CCNG1: variants seen among roughly 807,000 people sequenced by gnomAD.
CCNG1 encodes the protein cyclin-G1.
A neutral mutation model predicts 30.0 loss-of-function variants in CCNG1; 13 were observed. That is an observed-to-expected ratio of 0.43 (90% confidence interval 0.28 to 0.69). The LOEUF (loss-of-function observed/expected upper bound fraction) is 0.69. Ranked by LOEUF, CCNG1 falls within the 30% of genes least tolerant of loss-of-function variation. The pLI is 0.16. For synonymous variants in CCNG1, 110 were observed against 121.5 expected, an observed-to-expected ratio of 0.91 and a Z score of 0.62; for missense variants, 285 against 331.4, an observed-to-expected ratio of 0.86 and a Z score of 1.09.
In CCNG1 at chr5:163,442,586, T is replaced by C. The variant is rs773896011; in HGVS notation, c.*3+18T>C. ...CTTAACTGGTAAATTTGGTCCGTTATTATTCTCCAGATAGAGAACATTTTC... is the reference window on the plus strand; with the variant it reads ...CTTAACTGGTAAATTTGGTCCGTTACTATTCTCCAGATAGAGAACATTTTC... On this transcript the variant is annotated intron_variant, in intron 6 of 6. Transcript: ENST00000340828. 1.9e-6 allele frequency: 3 copies of C among 1,564,700 alleles called. No homozygotes were observed. Among genetic ancestry groups the C allele is most frequent in the Non-Finnish European group, 1.7e-6 (2 of 1,149,574 alleles).
chr5:163,455,858 G>C, the CCNG1 span, among the ~76,000 whole-genome samples: 2 of 152,170 alleles, frequency 1.3e-5, no homozygotes, highest in Non-Finnish European at 2.9e-5. Flanking sequence ...AGGTGGTCCA[G>C]ATCAGAATGG....
At chr5:163,457,130 C>CATCAAGTT in the CCNG1 span, 1 of 1,458,356 alleles carries the variant, frequency 6.9e-7, no homozygotes, top group Non-Finnish European at 9.2e-7. Flanking sequence ...TAGAGTTCTT[C>CATCAAGTT]ATCAAGTTGT....
the CCNG1 span, among the ~76,000 whole-genome samples, chr5:163,454,371 C>A: frequency 2.6e-5 from 4 of 152,050 alleles, no homozygotes; most frequent in Non-Finnish European, 5.9e-5. Flanking sequence ...GACGGAGTTT[C>A]GCTCTTGTTG....
chr5:163,442,489 G>A lies in CCNG1; in HGVS notation c.812G>A (p.Gly271Glu), dbSNP rs752592116. ...CAGAAGTTGAAATGGATTGTTTCTG[G>A]GCGTACTGCACGGCAATTGAAGCAT... ...NVQKLKWIVSGRTARQLKHSY... is the reference protein window; with the variant it reads ...NVQKLKWIVSERTARQLKHSY... Residue 271 changes from glycine (G) to glutamate (E), a missense_variant, in exon 6 of 7, where the codon GGG becomes GAG. Coordinates refer to ENST00000340828, the MANE Select transcript of CCNG1 (RefSeq NM_004060.4). The A allele has an allele frequency of 6.2e-7, 1 of 1,613,828 alleles. No homozygotes were observed. The highest frequency in any genetic ancestry group is 1.3e-5 in the African/African-American group (1 of 74,898).
rs1046747597 is a variant in CCNG1 at position 163,444,518 on chromosome 5, T to C, written c.*848T>C. Reference sequence around the variant, plus strand: ...CTAGATTGAACACTCCAGAATTTTTTACTACAGACTGTTTTTAAGTTAGAA... The same window carrying C: ...CTAGATTGAACACTCCAGAATTTTTCACTACAGACTGTTTTTAAGTTAGAA... On this transcript the variant is annotated 3_prime_UTR_variant, in exon 7 of 7. Transcript: ENST00000340828. The C allele has an allele frequency of 2.0e-5, 3 of 152,658 alleles. No individual in the cohort carries two copies. Among genetic ancestry groups the C allele is most frequent in the African/African-American group, 4.8e-5 (2 of 41,468 alleles). 9.5% of individuals were successfully genotyped at this position (152,658 alleles called of 1,614,324 possible). A position where few individuals can be genotyped will look rare whatever the true frequency, so the allele number is the denominator to read the frequency against.
chr5:163,440,824 A>C (rs1446626300), intron 2 of CCNG1, among the ~76,000 whole-genome samples: 1 of 152,212 alleles, frequency 6.6e-6, no homozygotes, highest in Admixed American at 6.5e-5. Context: ...ATAAAAACAC[A>C]CTTTTTCTAT....
At chr5:163,455,749 AAAAG>A in the CCNG1 span, among the ~76,000 whole-genome samples, 1 of 152,092 alleles carries the variant, frequency 6.6e-6, no homozygotes, top group African/African-American at 2.4e-5. Context: ...AAAAAAAAAA[AAAAG>A]AACTGCTCTA....
the CCNG1 span, among the ~76,000 whole-genome samples, chr5:163,455,093 G>C: frequency 1.3e-5 from 2 of 151,980 alleles, no homozygotes; most frequent in African/African-American, 4.8e-5. Flanking sequence ...TTGGCCCAAG[G>C]GCTGTAGTTT....
chr5:163,453,992 G>C, the CCNG1 span: 13 of 1,548,248 alleles, frequency 8.4e-6, no homozygotes, highest in Non-Finnish European at 1.1e-5. Context: ...TGAGAAATCT[G>C]GTCCACCTTT....
the CCNG1 span, among the ~76,000 whole-genome samples, chr5:163,455,688 C>T: frequency 2.0e-5 from 3 of 147,814 alleles, no homozygotes; most frequent in Non-Finnish European, 3.0e-5. Context: ...GGCGGGAATC[C>T]GGGAGGCGGA....
chr5:163,457,165 ACT>A, the CCNG1 span: 1 of 1,348,918 alleles, frequency 7.4e-7, no homozygotes, highest in Non-Finnish European at 9.8e-7. Context: ...AGACAGTATC[ACT>A]CTCACCCAGG....
rs745547418 is a variant in CCNG1, at chr5:163,442,039, T to C, written c.598-6T>C. ...TTGGCATTTACTTTAAATTTATCTC[T>C]TTTAGCCTTCTGTGTTGGCATTGTC... On this transcript the variant is annotated splice_polypyrimidine_tract_variant and splice_region_variant and intron_variant, in intron 4 of 6. Coordinates refer to ENST00000340828, the MANE Select transcript of CCNG1 (RefSeq NM_004060.4). The C allele has an allele frequency of 1.2e-6, 2 of 1,608,040 alleles. No individual in the cohort carries two copies. Among genetic ancestry groups the C allele is most frequent in the Non-Finnish European group, 1.7e-6 (2 of 1,175,218 alleles).
At position 163,437,751 on chromosome 5, in the gene CCNG1, G is replaced by T. The variant is rs1757558587; in HGVS notation, c.-54G>T. On this transcript the variant is annotated 5_prime_UTR_variant, in exon 1 of 7. Coordinates refer to ENST00000340828, the MANE Select transcript of CCNG1 (RefSeq NM_004060.4). ...CTCGGATCTGATATCGTGGGGTGAGGTGAGCAGGCCCGGGGAGGGTGGTTA... is the reference window on the plus strand; with the variant it reads ...CTCGGATCTGATATCGTGGGGTGAGTTGAGCAGGCCCGGGGAGGGTGGTTA... 3 of 152,510 alleles carry T rather than the reference G, an allele frequency of 2.0e-5. No homozygotes were observed. The South Asian group carries it at 6.2e-4, about 32-fold the overall frequency. The allele number at this position is 152,510 out of a possible 1,614,324, so 9.4% of individuals were successfully genotyped here.
chr5:163,442,852 GCTT>G (rs1219354238), intron 6 of CCNG1, among the ~76,000 whole-genome samples: 2 of 152,082 alleles, frequency 1.3e-5, no homozygotes, highest in African/African-American at 2.4e-5. Flanking sequence ...CTAAAATCAT[GCTT>G]TTTTTTAATT....
intron 6 of CCNG1, 80 bp downstream of exon 6, chr5:163,442,648 C>A: frequency 8.9e-7 from 1 of 1,123,480 alleles, no homozygotes; most frequent in Non-Finnish European, 1.3e-6. Flanking sequence ...GAGTAATTAT[C>A]TTCAAAATAA....
the CCNG1 span, chr5:163,457,185 G>C: frequency 8.2e-7 from 1 of 1,214,564 alleles, no homozygotes; most frequent in Non-Finnish European, 1.1e-6. Context: ...AGGCTGGAGT[G>C]CAGCGGCTTG....
the CCNG1 span, chr5:163,456,847 C>A: frequency 9.9e-7 from 1 of 1,005,248 alleles, no homozygotes. Context: ...TTCATAATGA[C>A]ATTTGAGTTT....
the CCNG1 span, chr5:163,457,063 G>A: frequency 5.6e-6 from 9 of 1,600,508 alleles, no homozygotes; most frequent in Non-Finnish European, 7.7e-6. Flanking sequence ...AGAACAATAC[G>A]AACCATTTTT....
chr5:163,457,360 CTTCA>C, the CCNG1 span, among the ~76,000 whole-genome samples: 2 of 151,728 alleles, frequency 1.3e-5, no homozygotes, highest in African/African-American at 4.9e-5. Flanking sequence ...TCAAGAAGTT[CTTCA>C]TTAAATTTTA....
Sources: gnomAD v4.1 joint callset for allele counts (sites outside exome capture counted in the v4.1 genomes callset) on GRCh38, gnomAD v4.1.1 for gene constraint, MANE v1.5 for transcripts, NCBI Gene and HGNC (gene_info 2026-07-23, HGNC 2026-07-21) for gene names.